Variants in ATP11A observed in about 807,000 individuals in gnomAD.
ATP11A encodes the protein phospholipid-transporting ATPase IH.
Under a neutral mutation model 154.4 loss-of-function variants are expected in ATP11A, and 81 were observed. The observed-to-expected ratio is 0.52, with a 90% confidence interval of 0.44 to 0.63. The LOEUF (loss-of-function observed/expected upper bound fraction) is 0.63. ATP11A is among the 30% of genes least tolerant of loss of function. The pLI is 0.00. For missense variants in ATP11A, 1,316 were observed against 1,474.3 expected (o/e 0.89, Z 1.76); for synonymous variants, 623 against 585.9 (o/e 1.06, Z -0.91).
intron 1 of ATP11A, among the ~76,000 whole-genome samples, chr13:112,724,611 T>G (rs1486941792): frequency 1.3e-5 from 2 of 151,930 alleles, no homozygotes; most frequent in African/African-American, 4.8e-5. Context: ...GAGTTCAGTC[T>G]CCAGTGTCTC....
chr13:112,721,234 T>C (rs914021), intron 1 of ATP11A, among the ~76,000 whole-genome samples: 124,119 of 152,068 alleles, frequency 0.82, 50,958 homozygotes, highest in East Asian at 0.91. Flanking sequence ...AGGAAGTTGC[T>C]GGAACCCTCT....
At position 112,832,933 on chromosome 13, in the gene ATP11A, A is replaced by G. The variant is rs1273673459; in HGVS notation, c.1469A>G (p.Asp490Gly). Residue 490 changes from aspartate (D) to glycine (G), a missense_variant, in exon 14 of 30, where the codon GAC becomes GGC. Asp to Gly is a moderately conservative substitution (Grantham distance 94). Transcript: ENST00000375645. ...TVQVKDDDSVDGPRKSPDGGK... is the reference protein window; with the variant it reads ...TVQVKDDDSVGGPRKSPDGGK... ...CAGGTGAAAGACGATGACAGCGTAG[A>G]CGGCCCCAGGAAATCGCCGGACGGG... 6.2e-7 allele frequency: 1 copy of G among 1,613,896 alleles called. No homozygotes were observed. The highest frequency in any genetic ancestry group is 1.3e-5 in the African/African-American group (1 of 74,900).
chr13:112,690,457 T>C lies in ATP11A; in HGVS notation c.39+2T>C. 1.5e-6 allele frequency: 2 copies of C among 1,350,574 alleles called. No homozygotes were observed. Among genetic ancestry groups the C allele is most frequent in the Non-Finnish European group, 1.9e-6 (2 of 1,048,870 alleles). The allele number at this position is 1,350,574 out of a possible 1,614,324, so 83.7% of individuals were successfully genotyped here. A position where few individuals can be genotyped will look rare whatever the true frequency, so the allele number is the denominator to read the frequency against. On this transcript the variant is annotated splice_donor_variant, in intron 1 of 29. Coordinates refer to ENST00000375645, the MANE Select transcript of ATP11A (RefSeq NM_015205.3). LOFTEE classifies it high-confidence loss of function. The surrounding 1 kb of genome is among the most constrained non-coding windows in gnomAD (Gnocchi z 5.6). ...GTGCGGACGCTCGTGCACAGATACG[T>C]GAGTGCTCCCGGCGCGGGCTGGGGG...
intron 17 of ATP11A, among the ~76,000 whole-genome samples, chr13:112,846,980 C>T (rs1056058761): frequency 6.6e-6 from 1 of 152,174 alleles, no homozygotes; most frequent in Non-Finnish European, 1.5e-5. Flanking sequence ...CCAGGAGCTT[C>T]CTCACAGTTG....
At chr13:112,854,076 G>T (rs2079852116) in intron 18 of ATP11A, among the ~76,000 whole-genome samples, 1 of 152,206 alleles carries the variant, frequency 6.6e-6, no homozygotes, top group Admixed American at 6.5e-5. Flanking sequence ...CTGTTAGGAA[G>T]TGTTTCGCTG....
rs183829464 is a variant in ATP11A, at chr13:112,819,367, G to C, written c.634G>C (p.Ala212Pro). The part of the protein sequence containing the change: ...HTEEDIGGLH[A>P]TIECEQPQPD... ...AGAGGAGGATATCGGCGGACTTCAC[G>C]CCACCATCGAGTGTGAGCAGCCCCA... is the stretch of plus-strand genomic sequence containing the variant. The change falls in exon 7 of 30, where the codon GCC becomes CCC. Residue 212 changes from alanine (A) to proline (P), a missense_variant. By Grantham distance (27) the Ala-to-Pro change is conservative. Around this residue, in one of 5 missense-constraint regions of ATP11A, gnomAD observed 876 missense variants for 1,006.8 expected, o/e 0.87. Transcript: ENST00000375645. The C allele has an allele frequency of 6.2e-7, 1 of 1,614,078 alleles. No individual in the cohort carries two copies. Among genetic ancestry groups the C allele is most frequent in the Admixed American group, 1.7e-5 (1 of 60,002 alleles).
intron 1 of ATP11A, among the ~76,000 whole-genome samples, chr13:112,721,852 G>T (rs1889228183): frequency 1.3e-5 from 2 of 152,216 alleles, no homozygotes; most frequent in Non-Finnish European, 2.9e-5. Flanking sequence ...CCACATAGGA[G>T]CCAGGATGTG....
intron 1 of ATP11A, among the ~76,000 whole-genome samples, chr13:112,710,219 T>G (rs1459982327): frequency 1.3e-5 from 2 of 152,170 alleles, no homozygotes; most frequent in South Asian, 2.1e-4. Context: ...GTGTTTAAGT[T>G]GTGTCTGCTG....
chr13:112,806,548 A>G (rs2078327573), intron 4 of ATP11A, among the ~76,000 whole-genome samples: 1 of 152,230 alleles, frequency 6.6e-6, no homozygotes, highest in Non-Finnish European at 1.5e-5. Flanking sequence ...TCACCCAGAG[A>G]TGATCTGATC....
intron 14 of ATP11A, among the ~76,000 whole-genome samples, chr13:112,834,230 C>T (rs894892971): frequency 6.6e-6 from 1 of 152,198 alleles, no homozygotes; most frequent in Non-Finnish European, 1.5e-5. Context: ...TCGTGTTCTC[C>T]GCTCAACAAC....
At chr13:112,841,215 G>A (rs973057662) in intron 16 of ATP11A, among the ~76,000 whole-genome samples, 17 of 147,870 alleles carry the variant, frequency 1.1e-4, no homozygotes, top group African/African-American at 3.6e-4. Flanking sequence ...AGAGTGCCAC[G>A]TGGCTTCGCG....
intron 1 of ATP11A, among the ~76,000 whole-genome samples, chr13:112,706,004 C>T (rs1887103755): frequency 6.6e-6 from 1 of 152,200 alleles, no homozygotes; most frequent in South Asian, 2.1e-4. Flanking sequence ...TCTTTTTCAT[C>T]ATCCCAAACT....
intron 1 of ATP11A, among the ~76,000 whole-genome samples, chr13:112,712,308 A>G (rs542215666): frequency 3.3e-5 from 5 of 152,270 alleles, no homozygotes; most frequent in East Asian, 1.9e-4. Flanking sequence ...CGCTCCCTCC[A>G]TGGTTAGAAT....
chr13:112,781,303 G>A (rs1008829982), intron 1 of ATP11A, among the ~76,000 whole-genome samples: 3 of 152,028 alleles, frequency 2.0e-5, no homozygotes, highest in African/African-American at 7.2e-5. Context: ...GCCTCCCAAA[G>A]TGCTGGGATT....
rs1326729623 is a variant in ATP11A at position 112,690,905 on chromosome 13, C to T, written c.39+450C>T. ...GTAAGATTAAGGGATTGGGAGGAAGCGTTACACTTCTGCAGAAAAAGGTAG... is the reference window on the plus strand; with the variant it reads ...GTAAGATTAAGGGATTGGGAGGAAGTGTTACACTTCTGCAGAAAAAGGTAG... On this transcript the variant is annotated intron_variant, in intron 1 of 29. Coordinates refer to ENST00000375645, the MANE Select transcript of ATP11A (RefSeq NM_015205.3). This position sits in a 1 kb window ranked among gnomAD's most constrained non-coding sequence, Gnocchi z 5.6. 2.6e-5 allele frequency among the ~76,000 whole-genome samples: 4 copies of T among 152,330 alleles called. No individual in the cohort carries two copies. The East Asian group carries it at 7.7e-4, about 29-fold the overall frequency.
At chr13:112,702,411 G>A (rs1482938904) in intron 1 of ATP11A, among the ~76,000 whole-genome samples, 2 of 147,208 alleles carry the variant, frequency 1.4e-5, no homozygotes, top group Admixed American at 6.8e-5. Flanking sequence ...GAGGCCCCCC[G>A]CCCCGCCCCC....
chr13:112,773,622 T>A (rs1245192730), intron 1 of ATP11A, among the ~76,000 whole-genome samples: 2 of 152,212 alleles, frequency 1.3e-5, no homozygotes, highest in Non-Finnish European at 2.9e-5. Flanking sequence ...GGCCCAGGGC[T>A]TTGTCTGCAG....
rs79356985 is a variant in ATP11A, at chr13:112,737,803, G to A, written c.40-47332G>A. 4.4e-3 allele frequency among the ~76,000 whole-genome samples: 675 copies of A among 152,318 alleles called. 8 individuals are homozygous for A. Among genetic ancestry groups the A allele is most frequent in the East Asian group, 0.03 (153 of 5,176 alleles). The stretch of plus-strand genomic sequence containing the variant: ...TGGAAGCAGCTCCGTGTCTTGGATT[G>A]ACAAACACAGGTTTGCTGCCAGTGC... On this transcript the variant is annotated intron_variant, in intron 1 of 29. Coordinates refer to ENST00000375645, the MANE Select transcript of ATP11A (RefSeq NM_015205.3).
At chr13:112,865,209 A>G (rs2080285724) in intron 25 of ATP11A, among the ~76,000 whole-genome samples, 2 of 120,092 alleles carry the variant, frequency 1.7e-5, no homozygotes, top group African/African-American at 3.3e-5. Flanking sequence ...AATTCAGTGC[A>G]GCACGTGCAG....
Sources: allele counts gnomAD v4.1 joint callset (sites outside exome capture counted in the v4.1 genomes callset), GRCh38; gene constraint gnomAD v4.1.1; regional missense constraint gnomAD v4.1.1; non-coding constraint Gnocchi (gnomAD v3.1); transcripts MANE v1.5; gene names NCBI Gene and HGNC (gene_info 2026-07-23, HGNC 2026-07-21).